WNT2: variants seen among roughly 807,000 people sequenced by gnomAD.
WNT2 encodes protein Wnt-2.
WNT2 carries 12 observed loss-of-function variants against 36.9 expected under a neutral mutation model. That is an observed-to-expected ratio of 0.33 (90% confidence interval 0.21 to 0.53). WNT2 has a LOEUF of 0.53. Ranked by LOEUF, WNT2 falls within the 20% of genes least tolerant of loss-of-function variation. The probability of loss-of-function intolerance (pLI) is 0.95; values close to 1 mark genes in which losing one functional copy is unlikely to be tolerated. For missense variants in WNT2, 379 were observed against 473.1 expected, an observed-to-expected ratio of 0.80 and a Z score of 1.84; for synonymous variants, 163 against 174.6, an observed-to-expected ratio of 0.93 and a Z score of 0.52.
rs1405019696 is a variant in WNT2, at chr7:117,315,270, C to T, written c.389G>A (p.Gly130Glu). 1 of 1,614,208 alleles carries T rather than the reference C, an allele frequency of 6.2e-7. No homozygotes were observed. The highest frequency in any genetic ancestry group is 1.1e-5 in the South Asian group (1 of 91,082). Residue 130 changes from glycine (G) to glutamate (E), a missense_variant, in exon 3 of 5, where the codon GGA becomes GAA. Physicochemically the swap from Gly to Glu is moderately conservative, Grantham distance 98. Transcript: ENST00000265441. ...ATCACAGGAACAGGATTTTACTTCT[C>T]CTTGGCTACAGGCCCTGGTGATGGC... ...VFAITRACSQ[G>E]EVKSCSCDPK...
chr7:117,292,668 G>C (rs1794712654), intron 4 of WNT2, among the ~76,000 whole-genome samples: 1 of 152,214 alleles, frequency 6.6e-6, no homozygotes, highest in South Asian at 2.1e-4. Context: ...GGTAACTGCT[G>C]TCAGTAAAAG....
At chr7:117,279,974 T>C (rs1794453010) in intron 4 of WNT2, among the ~76,000 whole-genome samples, 2 of 152,104 alleles carry the variant, frequency 1.3e-5, no homozygotes, top group African/African-American at 4.8e-5. Context: ...TGTGTTGGAA[T>C]TATCTACAGA....
chr7:117,316,068 C>G (rs1747945080), intron 2 of WNT2, among the ~76,000 whole-genome samples: 1 of 152,216 alleles, frequency 6.6e-6, no homozygotes, highest in African/African-American at 2.4e-5. Context: ...AACACCTGCA[C>G]TAATCACTGG....
intron 3 of WNT2, among the ~76,000 whole-genome samples, chr7:117,314,691 G>A (rs1405308386): frequency 6.6e-6 from 1 of 151,918 alleles, no homozygotes; most frequent in African/African-American, 2.4e-5. Context: ...GATGCTCTGG[G>A]TCTAATCTTT....
At chr7:117,278,481 C>T (rs1026354087) in intron 4 of WNT2, 97 bp from the exon 5 acceptor site, 1 of 1,184,118 alleles carries the variant, frequency 8.4e-7, no homozygotes, top group Non-Finnish European at 1.2e-6. Flanking sequence ...CAGGACAGAG[C>T]CCTGACCCTC....
chr7:117,319,529 G>T (rs369456832), intron 2 of WNT2, among the ~76,000 whole-genome samples: 92 of 147,896 alleles, frequency 6.2e-4, no homozygotes, highest in Non-Finnish European at 1.3e-3. Flanking sequence ...AATTGGGGGG[G>T]GGGGTAGGCA....
chr7:117,296,122 G>C (rs990276862), intron 4 of WNT2, among the ~76,000 whole-genome samples: 2 of 152,170 alleles, frequency 1.3e-5, no homozygotes, highest in African/African-American at 4.8e-5. Context: ...GCTAGTGACT[G>C]GTAGAGGGGG....
At chr7:117,318,993 A>G (rs1426616219) in intron 2 of WNT2, among the ~76,000 whole-genome samples, 1 of 152,246 alleles carries the variant, frequency 6.6e-6, no homozygotes, top group Non-Finnish European at 1.5e-5. Flanking sequence ...ATATGTAGAT[A>G]TCTTAATAGA....
rs2402179 is a variant in WNT2, at chr7:117,294,728, T to C, written c.853+2884A>G. Among the ~76,000 whole-genome samples, 950 of 152,264 alleles carry C rather than the reference T, an allele frequency of 6.2e-3. 12 individuals are homozygous for C. Among genetic ancestry groups the C allele is most frequent in the African/African-American group, 0.022 (895 of 41,548 alleles). On this transcript the variant is annotated intron_variant, in intron 4 of 4. Coordinates refer to ENST00000265441, the MANE Select transcript of WNT2 (RefSeq NM_003391.3). ...GACAGATAAGAGAGAAAGTAAGTTA[T>C]ATAGCTTTCTTCAGAAAGCCAGCAC...
intron 4 of WNT2, among the ~76,000 whole-genome samples, chr7:117,290,062 T>C (rs1794659623): frequency 6.6e-6 from 1 of 152,122 alleles, no homozygotes; most frequent in Admixed American, 6.5e-5. Flanking sequence ...GAGTCCAGTT[T>C]TAAGCAGAAG....
At chr7:117,280,793 T>C (rs1794468187) in intron 4 of WNT2, among the ~76,000 whole-genome samples, 1 of 152,246 alleles carries the variant, frequency 6.6e-6, no homozygotes, top group Non-Finnish European at 1.5e-5. Flanking sequence ...TGAAAGTGCC[T>C]GGCATAAAAT....
chr7:117,305,659 C>T (rs1198398201), intron 3 of WNT2, among the ~76,000 whole-genome samples: 1 of 152,098 alleles, frequency 6.6e-6, no homozygotes, highest in Non-Finnish European at 1.5e-5. Context: ...GGTGAGTTGG[C>T]AGGGCAATGA....
At chr7:117,308,321 G>A (rs1795050833) in intron 3 of WNT2, among the ~76,000 whole-genome samples, 1 of 152,126 alleles carries the variant, frequency 6.6e-6, no homozygotes, top group African/African-American at 2.4e-5. Context: ...ATAAGGTGTG[G>A]AATTTACATT....
intron 2 of WNT2, among the ~76,000 whole-genome samples, chr7:117,317,261 C>T (rs547695001): frequency 7.0e-4 from 107 of 152,290 alleles, no homozygotes; most frequent in African/African-American, 2.5e-3. Context: ...AATAAATTGT[C>T]TAGGTGCAGA....
At chr7:117,311,279 G>A (rs1046452515) in intron 3 of WNT2, among the ~76,000 whole-genome samples, 1 of 152,174 alleles carries the variant, frequency 6.6e-6, no homozygotes, top group Non-Finnish European at 1.5e-5. Flanking sequence ...AAAATCATCA[G>A]TAAACTACCT....
chr7:117,308,859 A>G lies in WNT2; in HGVS notation c.588+6212T>C, dbSNP rs79003724. Among the ~76,000 whole-genome samples, 11 of 152,128 alleles carry G rather than the reference A, an allele frequency of 7.2e-5. No homozygotes were observed. In the East Asian group the frequency reaches 1.7e-3, roughly 24 times the overall value. ...TCAGACCCATTATTTGTTTATTATT[A>G]TTCATTTTAAGTGGCATCAAGGGAT... On this transcript the variant is annotated intron_variant, in intron 3 of 4. Transcript: ENST00000265441.
At chr7:117,288,948 T>C (rs1192600593) in intron 4 of WNT2, among the ~76,000 whole-genome samples, 1 of 151,770 alleles carries the variant, frequency 6.6e-6, no homozygotes, top group Non-Finnish European at 1.5e-5. Context: ...AGGCCACTGA[T>C]AGTAGTGAGT....
chr7:117,293,028 G>A (rs2116345237), intron 4 of WNT2, among the ~76,000 whole-genome samples: 1 of 152,238 alleles, frequency 6.6e-6, no homozygotes, highest in East Asian at 1.9e-4. Flanking sequence ...AAGCTCAGGT[G>A]AGAGGATCAC....
At chr7:117,291,683 T>C (rs1228378468) in intron 4 of WNT2, among the ~76,000 whole-genome samples, 1 of 152,230 alleles carries the variant, frequency 6.6e-6, no homozygotes, top group African/African-American at 2.4e-5. Flanking sequence ...CTCAGAGCAC[T>C]CACTTTCTTC....
Sources: gnomAD v4.1 joint callset for allele counts (sites outside exome capture counted in the v4.1 genomes callset) on GRCh38, gnomAD v4.1.1 for gene constraint, MANE v1.5 for transcripts, NCBI Gene and HGNC (gene_info 2026-07-23, HGNC 2026-07-21) for gene names.